The following CFAP20DC variants were observed in gnomAD, a reference collection of about 807,000 sequenced individuals.
CFAP20DC encodes the protein CFAP20 domain containing, also known as protein CFAP20DC.
Under a neutral mutation model 101.7 loss-of-function variants are expected in CFAP20DC, and 84 were observed. The ratio of observed to expected loss-of-function variants is 0.83; its 90% CI spans 0.69 to 0.99. CFAP20DC has a LOEUF of 0.99. CFAP20DC is among the 50% of genes least tolerant of loss of function. The pLI is 0.00. For missense variants in CFAP20DC, 1,007 were observed against 970.3 expected (o/e 1.04, Z -0.50); for synonymous variants, 359 against 351.2 (o/e 1.02, Z -0.25).
At chr3:58,896,020 T>G (rs537327177) in intron 6 of CFAP20DC, among the ~76,000 whole-genome samples, 1 of 152,326 alleles carries the variant, frequency 6.6e-6, no homozygotes, top group South Asian at 2.1e-4. Flanking sequence ...GAATTCAAGA[T>G]GAGATCTGGG....
At chr3:58,948,741 T>TA (rs2089693711) in intron 4 of CFAP20DC, among the ~76,000 whole-genome samples, 1 of 152,232 alleles carries the variant, frequency 6.6e-6, no homozygotes, top group Non-Finnish European at 1.5e-5. Flanking sequence ...GATATTGGTC[T>TA]AAAATTCTCT....
chr3:58,841,427 T>TA (rs1206669620), intron 13 of CFAP20DC, among the ~76,000 whole-genome samples: 1 of 152,232 alleles, frequency 6.6e-6, no homozygotes, highest in African/African-American at 2.4e-5. Flanking sequence ...TAAAATAATT[T>TA]ACAAATTCAT....
At chr3:59,037,191 T>C (rs1185210819) in intron 4 of CFAP20DC, among the ~76,000 whole-genome samples, 4 of 152,100 alleles carry the variant, frequency 2.6e-5, no homozygotes, top group African/African-American at 7.2e-5. Context: ...GAAGAAAACC[T>C]AGGCAATACC....
In CFAP20DC at chr3:59,006,685, G is replaced by A. The variant is rs1464781950; in HGVS notation, c.278+32872C>T. On this transcript the variant is annotated intron_variant, in intron 4 of 16. Transcript: ENST00000482387. The surrounding 1 kb of genome is among the most constrained non-coding windows in gnomAD (Gnocchi z 4.3). ...CATTCTCCAGCTTGAGCCCAGGGAA[G>A]CCAACCCTGACAATATCTCATAGAG... 5.3e-5 allele frequency among the ~76,000 whole-genome samples: 8 copies of A among 152,196 alleles called. No homozygotes were observed. The highest frequency in any genetic ancestry group is 5.2e-4 in the Admixed American group (8 of 15,286).
At chr3:58,802,723 G>C (rs1054504616) in intron 15 of CFAP20DC, among the ~76,000 whole-genome samples, 2 of 152,188 alleles carry the variant, frequency 1.3e-5, no homozygotes, top group African/African-American at 4.8e-5. Flanking sequence ...GTGAGTGAAA[G>C]TGAATGACTT....
At chr3:58,943,431 G>C (rs1435842691) in intron 4 of CFAP20DC, among the ~76,000 whole-genome samples, 1 of 152,192 alleles carries the variant, frequency 6.6e-6, no homozygotes, top group Non-Finnish European at 1.5e-5. Flanking sequence ...CAGGGAAAGA[G>C]GGTCTGGAGT....
Position 58,949,648 on chromosome 3 carries a change from C to G in CFAP20DC, c.279-11886G>C, listed in dbSNP as rs578065645. Among the ~76,000 whole-genome samples, 5 of 152,226 alleles carry G rather than the reference C, an allele frequency of 3.3e-5. No homozygotes were observed. The East Asian group carries it at 9.7e-4, about 29-fold the overall frequency. On this transcript the variant is annotated intron_variant, in intron 4 of 16. Coordinates refer to ENST00000482387, the MANE Select transcript of CFAP20DC (RefSeq NM_001394063.1). ...TTGATTGCACAATCCAGCATATAAA[C>G]AGAACCAATGACAAAAACCATATGA...
At chr3:59,028,183 G>A (rs2093926218) in intron 4 of CFAP20DC, among the ~76,000 whole-genome samples, 1 of 152,228 alleles carries the variant, frequency 6.6e-6, no homozygotes, top group African/African-American at 2.4e-5. Flanking sequence ...TTATCCACAG[G>A]CATATGATCC....
intron 12 of CFAP20DC, among the ~76,000 whole-genome samples, chr3:58,855,713 T>G (rs1201453959): frequency 6.6e-6 from 1 of 151,722 alleles, no homozygotes; most frequent in African/African-American, 2.4e-5. Flanking sequence ...GAAATCATCA[T>G]TCTCAGTAAA....
chr3:58,749,804 T>C (rs947108337), intron 16 of CFAP20DC, among the ~76,000 whole-genome samples: 2 of 152,202 alleles, frequency 1.3e-5, no homozygotes, highest in African/African-American at 4.8e-5. Context: ...AACTATTCTT[T>C]GAGCAAAGTA....
At chr3:58,811,154 C>A (rs1424058496) in intron 14 of CFAP20DC, among the ~76,000 whole-genome samples, 1 of 152,032 alleles carries the variant, frequency 6.6e-6, no homozygotes, top group Non-Finnish European at 1.5e-5. Flanking sequence ...GATGCAATGC[C>A]ATCCCCATCA....
chr3:58,750,918 A>G (rs1317681825), intron 16 of CFAP20DC, among the ~76,000 whole-genome samples: 1 of 152,238 alleles, frequency 6.6e-6, no homozygotes, highest in African/African-American at 2.4e-5. Context: ...ATATGGGTCA[A>G]AGTTCAATAC....
At chr3:58,740,699 T>C (rs565484661), downstream of CFAP20DC, among the ~76,000 whole-genome samples, 40 of 152,276 alleles carry the variant, frequency 2.6e-4, no homozygotes, top group South Asian at 7.3e-3. The surrounding 1 kb of genome is among the most constrained non-coding windows in gnomAD (Gnocchi z 4.6). Context: ...TTTTTCTTCA[T>C]CTAGCTCATG....
In CFAP20DC at chr3:59,049,839, C is replaced by A. The variant is rs550245392; in HGVS notation, c.-208G>T. On this transcript the variant is annotated 5_prime_UTR_variant, in exon 1 of 17. Coordinates refer to ENST00000482387, the MANE Select transcript of CFAP20DC (RefSeq NM_001394063.1). ...CTCCCGCCCTCCATCAGCACCATTG[C>A]GGCTCCAGCCTCCGCGGTGCCCGGG... 1.3e-3 allele frequency: 793 copies of A among 618,050 alleles called. 2 individuals are homozygous for A. The highest frequency in any genetic ancestry group is 2.2e-3 in the Admixed American group (73 of 33,318). The allele number at this position is 618,050 out of a possible 1,614,324, so 38.3% of individuals were successfully genotyped here. A position where few individuals can be genotyped will look rare whatever the true frequency, so the allele number is the denominator to read the frequency against.
At chr3:58,896,049 G>A (rs1046167391) in intron 6 of CFAP20DC, among the ~76,000 whole-genome samples, 6 of 152,104 alleles carry the variant, frequency 3.9e-5, no homozygotes, top group African/African-American at 7.2e-5. Flanking sequence ...CAGCCAATCC[G>A]TATCACTGCT....
At chr3:58,844,843 T>TC (rs2108242123) in intron 13 of CFAP20DC, among the ~76,000 whole-genome samples, 1 of 140,066 alleles carries the variant, frequency 7.1e-6, no homozygotes, top group Non-Finnish European at 1.5e-5. Context: ...AAACTAGAAC[T>TC]CAGGATTAAG....
At chr3:58,807,942 T>C (rs1341575671) in intron 14 of CFAP20DC, among the ~76,000 whole-genome samples, 1 of 151,772 alleles carries the variant, frequency 6.6e-6, no homozygotes, top group African/African-American at 2.4e-5. Flanking sequence ...GCCCATGTGA[T>C]CAACTGGAAG....
Position 58,913,730 on chromosome 3 carries a change from T to C in CFAP20DC, c.528A>G (p.Pro176=). ...TACCATCCTTATCAGCAGTGTCTTG[T>C]GGCTTTGATTTTAAGGTGAAGATCT... is the stretch of plus-strand genomic sequence containing the variant. ...LRKIFTLKSK[P]QDTADKDAVY... is the part of the protein sequence containing the mutation. The change falls in exon 6 of 17, where the codon CCA becomes CCG. Residue 176 remains proline, a synonymous_variant. Coordinates refer to ENST00000482387, the MANE Select transcript of CFAP20DC (RefSeq NM_001394063.1). The surrounding 1 kb of genome is among the most constrained non-coding windows in gnomAD (Gnocchi z 4.4). The C allele has an allele frequency of 6.2e-7, 1 of 1,613,708 alleles. No homozygotes were observed. Among genetic ancestry groups the C allele is most frequent in the Admixed American group, 1.7e-5 (1 of 59,916 alleles).
At chr3:58,839,065 T>C (rs1181895110) in intron 13 of CFAP20DC, among the ~76,000 whole-genome samples, 4 of 152,064 alleles carry the variant, frequency 2.6e-5, no homozygotes, top group Non-Finnish European at 5.9e-5. Context: ...AGTGGGAAGA[T>C]GATAACTTTA....
Sources: gnomAD v4.1 joint callset for allele counts (sites outside exome capture counted in the v4.1 genomes callset) on GRCh38, gnomAD v4.1.1 for gene constraint, Gnocchi (gnomAD v3.1) non-coding constraint, MANE v1.5 for transcripts, NCBI Gene and HGNC (gene_info 2026-07-23, HGNC 2026-07-21) for gene names.